NDST4: variants seen among roughly 807,000 people sequenced by gnomAD.
The protein encoded by NDST4 is N-heparan sulfate sulfotransferase 4.
In NDST4, 63 loss-of-function variants were observed where a neutral mutation model predicts 100.8. That is an observed-to-expected ratio of 0.62 (90% CI 0.51 to 0.77). The LOEUF is 0.77. Among genes scored for constraint, NDST4 ranks in the 30% least tolerant of loss-of-function variants. NDST4 has a pLI of 0.00. For synonymous variants in NDST4, 377 were observed against 361.8 expected (o/e 1.04, Z -0.48); for missense variants, 943 against 1,018.4 (o/e 0.93, Z 1.01).
intron 1 of NDST4, among the ~76,000 whole-genome samples, chr4:115,100,771 T>C (rs540536952): frequency 4.7e-4 from 71 of 151,234 alleles, no homozygotes; most frequent in African/African-American, 1.6e-3. Context: ...AATCCTCTCA[T>C]TACAATACCT....
chr4:114,871,185 A>C (rs376551807), intron 6 of NDST4, among the ~76,000 whole-genome samples: 2 of 152,268 alleles, frequency 1.3e-5, no homozygotes, highest in East Asian at 3.9e-4. Context: ...GAAGTATAGC[A>C]TTACTTTGCA....
At chr4:114,860,921 T>A (rs1460550693) in intron 7 of NDST4, among the ~76,000 whole-genome samples, 1 of 152,216 alleles carries the variant, frequency 6.6e-6, no homozygotes, top group Non-Finnish European at 1.5e-5. Flanking sequence ...CTTAGTGATA[T>A]AGTTGATTTC....
chr4:115,058,979 CTA>C (rs1491135720), intron 2 of NDST4, among the ~76,000 whole-genome samples: 4 of 128,242 alleles, frequency 3.1e-5, no homozygotes, highest in African/African-American at 1.5e-4. Context: ...AGTTCTGAAG[CTA>C]CACACACACA....
At chr4:115,097,701 A>G (rs979606994) in intron 1 of NDST4, among the ~76,000 whole-genome samples, 2 of 152,158 alleles carry the variant, frequency 1.3e-5, no homozygotes, top group African/African-American at 4.8e-5. Context: ...AATGTAATTA[A>G]GGTTATGTCT....
chr4:115,030,639 G>A (rs985910447), intron 2 of NDST4, among the ~76,000 whole-genome samples: 2 of 152,058 alleles, frequency 1.3e-5, no homozygotes, highest in Admixed American at 6.6e-5. Flanking sequence ...CAAAAGGGAG[G>A]AAGAATGTTA....
intron 2 of NDST4, among the ~76,000 whole-genome samples, chr4:115,064,727 T>C (rs959738985): frequency 6.6e-6 from 1 of 152,118 alleles, no homozygotes; most frequent in Non-Finnish European, 1.5e-5. Context: ...TTTTCCTCTA[T>C]GTGAAACTAA....
Position 114,950,595 on chromosome 4 carries a change from T to C in NDST4, c.1222-13092A>G, listed in dbSNP as rs79810312. ...AACCACACACTAACAGACTGCAGGC[T>C]AAATCCCACAGGCAGTACTTCCCAA... On this transcript the variant is annotated intron_variant, in intron 4 of 13. Coordinates refer to ENST00000264363, the MANE Select transcript of NDST4 (RefSeq NM_022569.3). 5.8e-3 allele frequency among the ~76,000 whole-genome samples: 883 copies of C among 152,198 alleles called. 12 individuals are homozygous for C. Among genetic ancestry groups the C allele is most frequent in the African/African-American group, 0.02 (848 of 41,560 alleles).
At chr4:115,020,000 C>A (rs555877604) in intron 2 of NDST4, among the ~76,000 whole-genome samples, 1 of 151,876 alleles carries the variant, frequency 6.6e-6, no homozygotes, top group African/African-American at 2.4e-5. Context: ...AAATTGATAC[C>A]GAAGAGTGGG....
At chr4:115,034,550 T>C (rs1728191844) in intron 2 of NDST4, among the ~76,000 whole-genome samples, 1 of 152,078 alleles carries the variant, frequency 6.6e-6, no homozygotes, top group African/African-American at 2.4e-5. Context: ...TAACATTAAG[T>C]TTAAATATGT....
intron 1 of NDST4, among the ~76,000 whole-genome samples, chr4:115,085,343 G>A (rs1263759497): frequency 3.3e-5 from 5 of 152,248 alleles, no homozygotes; most frequent in Admixed American, 3.3e-4. Context: ...TGAGACTTTG[G>A]ACTTGGACTT....
intron 2 of NDST4, among the ~76,000 whole-genome samples, chr4:115,007,468 C>A (rs1055360820): frequency 2.6e-4 from 40 of 152,144 alleles, no homozygotes; most frequent in African/African-American, 8.7e-4. Context: ...AGTAAACAGA[C>A]AAAAACTGAT....
At chr4:114,988,350 A>ATTTTTTTT (rs1560846225) in intron 2 of NDST4, among the ~76,000 whole-genome samples, 4 of 76,696 alleles carry the variant, frequency 5.2e-5, no homozygotes, top group South Asian at 5.2e-4. Flanking sequence ...AGATACACAT[A>ATTTTTTTT]TCTTTTTTTT....
intron 2 of NDST4, among the ~76,000 whole-genome samples, chr4:115,046,612 C>CTGTGTGA (rs1728468247): frequency 1.3e-5 from 2 of 151,550 alleles, no homozygotes; most frequent in Admixed American, 6.6e-5. Flanking sequence ...TTATTTTTCC[C>CTGTGTGA]TGTGTGATGT....
At chr4:115,028,497 A>G (rs1202114831) in intron 2 of NDST4, among the ~76,000 whole-genome samples, 2 of 152,060 alleles carry the variant, frequency 1.3e-5, no homozygotes, top group African/African-American at 2.4e-5. Context: ...AGAAATAAAA[A>G]TGGGCTGAGC....
chr4:114,998,240 A>T (rs886384302), intron 2 of NDST4, among the ~76,000 whole-genome samples: 3 of 152,118 alleles, frequency 2.0e-5, no homozygotes, highest in Admixed American at 6.6e-5. Context: ...TCACACTGTA[A>T]CTTTCTCTTT....
chr4:114,900,581 C>T lies in NDST4; in HGVS notation c.1537-29631G>A, dbSNP rs1385122671. Reference sequence around the variant, plus strand: ...CCAACCACTGTGTTACAATTGCCTACAGTATTCAGCTCAGCAATATGCTGT... The same window carrying T: ...CCAACCACTGTGTTACAATTGCCTATAGTATTCAGCTCAGCAATATGCTGT... On this transcript the variant is annotated intron_variant, in intron 6 of 13. Transcript: ENST00000264363. Among the ~76,000 whole-genome samples, 3 of 152,230 alleles carry T rather than the reference C, an allele frequency of 2.0e-5. No homozygotes were observed. In the East Asian group the frequency reaches 5.8e-4, roughly 29 times the overall value.
At chr4:115,075,918 A>T in intron 2 of NDST4, 141 bp downstream of exon 2, 1 of 991,992 alleles carries the variant, frequency 1.0e-6, no homozygotes, top group East Asian at 2.6e-5. Context: ...GTCTTGGTTC[A>T]ATATTTTTCT....
At chr4:115,036,872 G>C (rs1486606339) in intron 2 of NDST4, among the ~76,000 whole-genome samples, 1 of 151,796 alleles carries the variant, frequency 6.6e-6, no homozygotes, top group African/African-American at 2.4e-5. Context: ...CTTCAAACTT[G>C]TTTATTTTCA....
intron 6 of NDST4, among the ~76,000 whole-genome samples, chr4:114,900,414 AT>A (rs112143481): frequency 0.049 from 7,449 of 152,052 alleles, 566 homozygotes; most frequent in African/African-American, 0.17. Flanking sequence ...ATTCTAGATC[AT>A]TTTTTTCTAA....
Sources: gnomAD v4.1 joint callset for allele counts (sites outside exome capture counted in the v4.1 genomes callset) on GRCh38, gnomAD v4.1.1 for gene constraint, MANE v1.5 for transcripts, NCBI Gene and HGNC (gene_info 2026-07-23, HGNC 2026-07-21) for gene names.